SEMA4D: variants seen among roughly 807,000 people sequenced by gnomAD.
The protein encoded by SEMA4D is semaphorin-4D.
In SEMA4D, 22 loss-of-function variants were observed where a neutral mutation model predicts 74.8. The observed-to-expected ratio is 0.29, with a 90% confidence interval of 0.21 to 0.42. The LOEUF (loss-of-function observed/expected upper bound fraction) is 0.42. Ranked by LOEUF, SEMA4D falls within the 10% of genes least tolerant of loss-of-function variation. The probability of loss-of-function intolerance (pLI) is 1.00; values close to 1 mark genes in which losing one functional copy is unlikely to be tolerated. For synonymous variants in SEMA4D, 445 were observed against 463.7 expected (o/e 0.96, Z 0.52); for missense variants, 937 against 1,118.4 (o/e 0.84, Z 2.31).
At chr9:89,400,170 ACCAT>A (rs1019502436) in intron 4 of SEMA4D, among the ~76,000 whole-genome samples, 1 of 152,190 alleles carries the variant, frequency 6.6e-6, no homozygotes, top group African/African-American at 2.4e-5. Context: ...CAGCTCAGGC[ACCAT>A]CTTAGTAAGA....
At chr9:89,413,834 A>G (rs530154726) in intron 2 of SEMA4D, among the ~76,000 whole-genome samples, 4 of 152,356 alleles carry the variant, frequency 2.6e-5, no homozygotes, top group South Asian at 2.1e-4. Context: ...ATGTGCACAT[A>G]CGTGCATGCA....
At chr9:89,494,287 C>T (rs1264000652) in intron 1 of SEMA4D, among the ~76,000 whole-genome samples, 1 of 152,214 alleles carries the variant, frequency 6.6e-6, no homozygotes. Context: ...CCCTCTTCCT[C>T]TTCCCTCTCC....
intron 1 of SEMA4D, 110 bp from the exon 2 acceptor site, chr9:89,456,063 C>T (rs1175692729): frequency 6.6e-6 from 1 of 152,270 alleles, no homozygotes; most frequent in Non-Finnish European, 1.5e-5. Flanking sequence ...AAATGTCCCC[C>T]AGGGACTGCA....
exon 17 of SEMA4D, chr9:89,363,823 C>G: frequency 6.2e-7 from 1 of 1,614,168 alleles, no homozygotes; most frequent in Non-Finnish European, 8.5e-7. Context: ...CAGCGCTTTC[C>G]CTGATGGCGT....
intron 1 of SEMA4D, among the ~76,000 whole-genome samples, chr9:89,481,025 C>G (rs541337558): frequency 6.6e-6 from 1 of 152,268 alleles, no homozygotes; most frequent in African/African-American, 2.4e-5. Flanking sequence ...AAAAGTAACA[C>G]GTCTTGTCCA....
At chr9:89,465,011 C>A (rs1858311169) in intron 1 of SEMA4D, among the ~76,000 whole-genome samples, 1 of 152,190 alleles carries the variant, frequency 6.6e-6, no homozygotes, top group Non-Finnish European at 1.5e-5. Flanking sequence ...GCATGCTTTA[C>A]AAAGCACTGA....
At chr9:89,446,823 C>A (rs1852994592) in intron 2 of SEMA4D, among the ~76,000 whole-genome samples, 2 of 152,180 alleles carry the variant, frequency 1.3e-5, no homozygotes, top group African/African-American at 2.4e-5. Flanking sequence ...CCACTCCCCA[C>A]ACCACGCTGC....
chr9:89,483,540 G>T (rs72750933), intron 1 of SEMA4D, among the ~76,000 whole-genome samples: 4,178 of 152,284 alleles, frequency 0.027, 88 homozygotes, highest in South Asian at 0.075. Flanking sequence ...ACACATTGAC[G>T]TCACGCTAAA....
At chr9:89,459,387 T>G (rs1197608589) in intron 1 of SEMA4D, among the ~76,000 whole-genome samples, 1 of 152,214 alleles carries the variant, frequency 6.6e-6, no homozygotes, top group Non-Finnish European at 1.5e-5. Flanking sequence ...CAGTGAATGC[T>G]TTTTGCTTCT....
intron 8 of SEMA4D, among the ~76,000 whole-genome samples, chr9:89,391,619 C>A (rs555816718): frequency 1.3e-5 from 2 of 152,220 alleles, no homozygotes; most frequent in Non-Finnish European, 2.9e-5. Context: ...GTGCCCTACC[C>A]CCACCTCCTC....
intron 2 of SEMA4D, among the ~76,000 whole-genome samples, chr9:89,423,624 T>A (rs1847442878): frequency 6.6e-6 from 1 of 152,108 alleles, no homozygotes; most frequent in South Asian, 2.1e-4. Context: ...CTGGTTCAGA[T>A]TCCCATGCTG....
chr9:89,369,615 C>T (rs796886220), intron 16 of SEMA4D: 5 of 152,256 alleles, frequency 3.3e-5, no homozygotes, highest in East Asian at 1.9e-4. Flanking sequence ...TTGATCCTTA[C>T]GTTTGTATGC....
chr9:89,434,619 T>G (rs756087277), intron 2 of SEMA4D, among the ~76,000 whole-genome samples: 1 of 152,236 alleles, frequency 6.6e-6, no homozygotes, highest in Non-Finnish European at 1.5e-5. Context: ...TGTGATTACA[T>G]TTAGGGATCA....
chr9:89,471,731 G>C (rs1376553340), intron 1 of SEMA4D, among the ~76,000 whole-genome samples: 1 of 150,796 alleles, frequency 6.6e-6, no homozygotes, highest in Non-Finnish European at 1.5e-5. Context: ...CATACAGGCT[G>C]AGGTGCATGC....
At chr9:89,421,963 G>A (rs940178824) in intron 2 of SEMA4D, among the ~76,000 whole-genome samples, 3 of 152,288 alleles carry the variant, frequency 2.0e-5, no homozygotes, top group Admixed American at 6.5e-5. Flanking sequence ...AGAACTATTC[G>A]AATTCCTTCC....
chr9:89,424,016 T>TC (rs1221200018), intron 2 of SEMA4D, among the ~76,000 whole-genome samples: 1 of 120,562 alleles, frequency 8.3e-6, no homozygotes, highest in Admixed American at 8.4e-5. Context: ...CCCTCCCTAC[T>TC]CCCTCAGTAC....
intron 1 of SEMA4D, among the ~76,000 whole-genome samples, chr9:89,488,350 A>ATTTTTTTTTT (rs1222488409): frequency 5.0e-5 from 4 of 80,426 alleles, no homozygotes; most frequent in Admixed American, 1.5e-4. Flanking sequence ...TGGATCACAG[A>ATTTTTTTTTT]TCTTTTTTTT....
Position 89,450,660 on chromosome 9 carries a change from G to GGAAAAAAAAAAAAAAAAAAA in SEMA4D, c.-244+5227_-244+5228insTTTTTTTTTTTTTTTTTTTC, listed in dbSNP as rs1491451024. ...GAGTTCTGCAAGTCGAAAAACCCAG[G>GGAAAAAAAAAAAAAAAAAAA]AAAAAAAAAAAAAAAAAAAAAAAAA... On this transcript the variant is annotated intron_variant, in intron 2 of 15. Coordinates refer to ENST00000422704, the MANE Select transcript of SEMA4D (RefSeq NM_001371194.2). 3.7e-4 allele frequency: 158 copies of GGAAAAAAAAAAAAAAAAAAA among 430,422 alleles called. 16 individuals are homozygous for GGAAAAAAAAAAAAAAAAAAA. Among genetic ancestry groups the GGAAAAAAAAAAAAAAAAAAA allele is most frequent in the Middle Eastern group, 7.3e-4 (1 of 1,364 alleles). 26.7% of individuals were successfully genotyped at this position (430,422 alleles called of 1,614,324 possible). A position where few individuals can be genotyped will look rare whatever the true frequency, so the allele number is the denominator to read the frequency against.
At chr9:89,367,560 T>G (rs1588079161) in intron 16 of SEMA4D, 1 of 152,290 alleles carries the variant, frequency 6.6e-6, no homozygotes, top group African/African-American at 2.4e-5. Flanking sequence ...GCGAGCCAGG[T>G]GACACTGGTC....
Sources: allele counts gnomAD v4.1 joint callset (sites outside exome capture counted in the v4.1 genomes callset), GRCh38; gene constraint gnomAD v4.1.1; transcripts MANE v1.5; gene names NCBI Gene and HGNC (gene_info 2026-07-23, HGNC 2026-07-21).